The following ZNRF3 variants were observed in gnomAD, a reference collection of about 807,000 sequenced individuals.
ZNRF3 encodes the protein E3 ubiquitin-protein ligase ZNRF3.
In ZNRF3, 23 loss-of-function variants were observed where a neutral mutation model predicts 72.5. The observed-to-expected ratio is 0.32, with a 90% confidence interval of 0.23 to 0.45. The LOEUF (loss-of-function observed/expected upper bound fraction) is 0.45, where lower values mean the gene tolerates loss of function less well. ZNRF3 is among the 20% of genes least tolerant of loss of function. ZNRF3 has a pLI of 1.00. For missense variants in ZNRF3, 1,169 were observed against 1,272.1 expected, an observed-to-expected ratio of 0.92 and a Z score of 1.23; for synonymous variants, 610 against 545.3, an observed-to-expected ratio of 1.12 and a Z score of -1.65.
intron 1 of ZNRF3, among the ~76,000 whole-genome samples, chr22:28,973,960 T>TC (rs1479698382): frequency 6.8e-6 from 1 of 147,290 alleles, no homozygotes; most frequent in African/African-American, 2.5e-5. Flanking sequence ...TCTCTTTTTT[T>TC]TTTTTTTTTT....
chr22:28,912,662 C>CTTTT (rs138371253), intron 1 of ZNRF3, among the ~76,000 whole-genome samples: 5 of 119,518 alleles, frequency 4.2e-5, no homozygotes, highest in East Asian at 2.2e-4. Context: ...TCTTTTCTTT[C>CTTTT]TTTTTTTTTT....
At chr22:29,053,548 TC>T (rs1470211237) in intron 8 of ZNRF3, 30 bp from the exon 9 acceptor site, 1 of 1,611,636 alleles carries the variant, frequency 6.2e-7, no homozygotes, top group Non-Finnish European at 8.5e-7. Context: ...GCCAGCTCCC[TC>T]CCCTGATGAT....
intron 1 of ZNRF3, among the ~76,000 whole-genome samples, chr22:28,896,360 CTT>C (rs1398380373): frequency 6.6e-6 from 1 of 152,184 alleles, no homozygotes; most frequent in Non-Finnish European, 1.5e-5. Flanking sequence ...GTCTCGATCT[CTT>C]GACCTCGTGA....
intron 2 of ZNRF3, among the ~76,000 whole-genome samples, chr22:29,041,385 C>T (rs1268997302): frequency 6.6e-6 from 1 of 152,144 alleles, no homozygotes; most frequent in Non-Finnish European, 1.5e-5. Context: ...CATGCTATAT[C>T]TTAAGTCTTG....
chr22:28,985,352 T>C (rs2035837690), intron 1 of ZNRF3, among the ~76,000 whole-genome samples: 1 of 152,046 alleles, frequency 6.6e-6, no homozygotes, highest in Admixed American at 6.5e-5. Flanking sequence ...CTATATCATC[T>C]CTTAGCAACT....
Position 29,030,870 on chromosome 22 carries a change from G to A in ZNRF3, c.427-11625G>A, listed in dbSNP as rs1472483167. The stretch of plus-strand genomic sequence containing the variant: ...GCAGGGCCTCGGAGTTCTGAGCTGT[G>A]TTTGTGGCTTCAGCGCTTTGATCTC... On this transcript the variant is annotated intron_variant, in intron 2 of 8. Coordinates refer to ENST00000544604, the MANE Select transcript of ZNRF3 (RefSeq NM_001206998.2). The surrounding 1 kb of genome is among the most constrained non-coding windows in gnomAD (Gnocchi z 4.2). Among the ~76,000 whole-genome samples, 7 of 152,322 alleles carry A rather than the reference G, an allele frequency of 4.6e-5. No individual in the cohort carries two copies. In the East Asian group the frequency reaches 1.4e-3, roughly 29 times the overall value.
intron 1 of ZNRF3, among the ~76,000 whole-genome samples, chr22:28,977,170 C>T (rs1348675034): frequency 6.6e-6 from 1 of 152,132 alleles, no homozygotes; most frequent in Non-Finnish European, 1.5e-5. Flanking sequence ...GCCGAGTGTT[C>T]TGAAAGCCAG....
chr22:28,995,376 C>T (rs998928144), intron 2 of ZNRF3, among the ~76,000 whole-genome samples: 39 of 151,970 alleles, frequency 2.6e-4, no homozygotes, highest in African/African-American at 9.4e-4. Context: ...TGCAGTGAGC[C>T]GAGATCACGC....
intron 2 of ZNRF3, among the ~76,000 whole-genome samples, chr22:29,002,234 AT>A (rs1235031044): frequency 6.6e-6 from 1 of 152,208 alleles, no homozygotes; most frequent in Admixed American, 6.5e-5. Context: ...ATCTCCTCCC[AT>A]TTTTAGCTAA....
chr22:29,026,014 G>C (rs902352118), intron 2 of ZNRF3: 6 of 152,220 alleles, frequency 3.9e-5, no homozygotes, highest in African/African-American at 1.4e-4. Context: ...GCTGAGGAAG[G>C]CTAGCTTGAT....
At chr22:28,894,412 G>A (rs554459514) in intron 1 of ZNRF3, among the ~76,000 whole-genome samples, 4 of 150,642 alleles carry the variant, frequency 2.7e-5, no homozygotes, top group South Asian at 2.1e-4. Context: ...GGTACCTGGC[G>A]TGGCATCTGG....
chr22:29,037,222 G>T (rs1408042281), intron 2 of ZNRF3, among the ~76,000 whole-genome samples: 3 of 152,192 alleles, frequency 2.0e-5, no homozygotes, highest in Non-Finnish European at 4.4e-5. Context: ...GATGGCGGTA[G>T]GTCCAAGCCC....
At chr22:29,053,323 C>T (rs1469653199) in intron 8 of ZNRF3, among the ~76,000 whole-genome samples, 1 of 152,232 alleles carries the variant, frequency 6.6e-6, no homozygotes, top group Non-Finnish European at 1.5e-5. Flanking sequence ...ACCCAGTTAA[C>T]ATCTTTAATA....
At chr22:28,907,059 T>C (rs537955079) in intron 1 of ZNRF3, among the ~76,000 whole-genome samples, 103 of 151,156 alleles carry the variant, frequency 6.8e-4, no homozygotes, top group African/African-American at 2.4e-3. Context: ...CTCAGCTCAC[T>C]GCAACCTCCG....
intron 1 of ZNRF3, among the ~76,000 whole-genome samples, chr22:28,939,293 A>C (rs546039618): frequency 6.6e-6 from 1 of 151,954 alleles, no homozygotes; most frequent in African/African-American, 2.4e-5. Context: ...CAAAAAAAAA[A>C]AAAAAACAAA....
intron 1 of ZNRF3, among the ~76,000 whole-genome samples, chr22:28,904,131 AACAACTCCTAGTTAACCTTG>A (rs578049830): frequency 2.0e-5 from 3 of 152,290 alleles, no homozygotes; most frequent in African/African-American, 7.2e-5. Context: ...CACCCCAGAA[AACAACTCCTAGTTAACCTTG>A]GCTCCTCTTC....
At chr22:28,925,431 T>C (rs2034583152) in intron 1 of ZNRF3, among the ~76,000 whole-genome samples, 1 of 152,188 alleles carries the variant, frequency 6.6e-6, no homozygotes, top group Non-Finnish European at 1.5e-5. Context: ...GGTGTCCCCT[T>C]CTCTAACCCC....
At chr22:28,975,288 G>A (rs1352919615) in intron 1 of ZNRF3, among the ~76,000 whole-genome samples, 1 of 152,064 alleles carries the variant, frequency 6.6e-6, no homozygotes, top group African/African-American at 2.4e-5. Flanking sequence ...CGGATCACAA[G>A]GTCAGGAGTT....
chr22:28,889,094 G>A (rs1409545287), intron 1 of ZNRF3, among the ~76,000 whole-genome samples: 1 of 151,736 alleles, frequency 6.6e-6, no homozygotes, highest in East Asian at 1.9e-4. Context: ...CGGCTTGGGT[G>A]ACAGAGCGAG....
Sources: allele counts gnomAD v4.1 joint callset (sites outside exome capture counted in the v4.1 genomes callset), GRCh38; gene constraint gnomAD v4.1.1; non-coding constraint Gnocchi (gnomAD v3.1); transcripts MANE v1.5; gene names NCBI Gene and HGNC (gene_info 2026-07-23, HGNC 2026-07-21).